The following CDH12 variants were observed in gnomAD, a reference collection of about 807,000 sequenced individuals.
CDH12 encodes cadherin-12.
A neutral mutation model predicts 74.1 loss-of-function variants in CDH12; 41 were observed. That is an observed-to-expected ratio of 0.55 (90% CI 0.43 to 0.72). The LOEUF (loss-of-function observed/expected upper bound fraction) is 0.72. Ranked by LOEUF, CDH12 falls within the 30% of genes least tolerant of loss-of-function variation. The probability of loss-of-function intolerance (pLI) is 0.00; values close to 1 mark genes in which losing one functional copy is unlikely to be tolerated. For synonymous variants in CDH12, 399 were observed against 355.0 expected (o/e 1.12, Z -1.39); for missense variants, 945 against 977.2 (o/e 0.97, Z 0.44).
chr5:22,013,864 A>C (rs1196676833), intron 5 of CDH12, among the ~76,000 whole-genome samples: 1 of 152,154 alleles, frequency 6.6e-6, no homozygotes, highest in Non-Finnish European at 1.5e-5. Context: ...ATTGGCTTCT[A>C]GAAAAAAATA....
chr5:21,976,363 G>T (rs1757070935), intron 5 of CDH12, among the ~76,000 whole-genome samples: 1 of 151,980 alleles, frequency 6.6e-6, no homozygotes, highest in African/African-American at 2.4e-5. Flanking sequence ...CCGTAAGGCA[G>T]TGTTGTTCAA....
intron 2 of CDH12, among the ~76,000 whole-genome samples, chr5:22,482,220 C>T (rs1380440185): frequency 2.6e-5 from 4 of 152,152 alleles, no homozygotes; most frequent in East Asian, 1.9e-4. Context: ...ATAAGAAAAC[C>T]GAGTTCAAAA....
chr5:22,071,271 T>C (rs1221019182), intron 5 of CDH12, among the ~76,000 whole-genome samples: 1 of 152,156 alleles, frequency 6.6e-6, no homozygotes, highest in Non-Finnish European at 1.5e-5. Flanking sequence ...ATAATATCTG[T>C]AGGATTAAAC....
chr5:22,677,675 G>A (rs573843933), intron 1 of CDH12, among the ~76,000 whole-genome samples: 67 of 152,248 alleles, frequency 4.4e-4, no homozygotes, highest in Admixed American at 1.4e-3. Flanking sequence ...ATAAGGGAGA[G>A]AGCAGGATAA....
intron 3 of CDH12, among the ~76,000 whole-genome samples, chr5:22,309,556 C>T (rs1048382844): frequency 1.4e-4 from 21 of 151,972 alleles, no homozygotes; most frequent in Non-Finnish European, 2.9e-5. Flanking sequence ...TTAACATTTC[C>T]CTCATCTCAC....
At chr5:22,345,367 T>A (rs1740065994) in intron 3 of CDH12, among the ~76,000 whole-genome samples, 1 of 152,164 alleles carries the variant, frequency 6.6e-6, no homozygotes, top group African/African-American at 2.4e-5. Context: ...TAAAGTTCTC[T>A]TTTTTTCTCT....
At chr5:21,773,243 G>A (rs1366218457) in intron 11 of CDH12, among the ~76,000 whole-genome samples, 1 of 152,108 alleles carries the variant, frequency 6.6e-6, no homozygotes, top group African/African-American at 2.4e-5. Context: ...CAACTTGATT[G>A]GATTGAAGGA....
Position 21,816,969 on chromosome 5 carries a change from T to G in CDH12, c.978A>C (p.Gln326His). The change falls in exon 9 of 15, where the codon CAA becomes CAC. Residue 326 changes from glutamine to histidine, a missense_variant. This residue lies in a region of CDH12 where 791 missense variants were observed against 792.8 expected (regional missense o/e 1.00). Coordinates refer to ENST00000382254, the MANE Select transcript of CDH12 (RefSeq NM_004061.5). Reference protein sequence around the residue: ...LFDIVTDEDTQEGVIKLKKPL... With the variant: ...LFDIVTDEDTHEGVIKLKKPL... ...CCTTTTTCAATTTGATGACTCCCTC[T>G]TGTGTATCCTCATCTGTGACGATGT... 6.2e-7 allele frequency: 1 copy of G among 1,610,706 alleles called. No homozygotes were observed. The highest frequency in any genetic ancestry group is 8.5e-7 in the Non-Finnish European group (1 of 1,178,050).
At chr5:21,791,374 T>C (rs529875348) in intron 10 of CDH12, among the ~76,000 whole-genome samples, 1 of 152,172 alleles carries the variant, frequency 6.6e-6, no homozygotes, top group African/African-American at 2.4e-5. Context: ...CATAGAAATT[T>C]TGAGGAGTTA....
chr5:22,059,289 A>G (rs1219201887), intron 5 of CDH12, among the ~76,000 whole-genome samples: 1 of 142,500 alleles, frequency 7.0e-6, no homozygotes, highest in African/African-American at 2.6e-5. Flanking sequence ...CTATCTATCT[A>G]TCTATCATCT....
intron 4 of CDH12, among the ~76,000 whole-genome samples, chr5:22,137,751 G>A (rs1561150019): frequency 6.6e-6 from 1 of 151,948 alleles, no homozygotes; most frequent in Non-Finnish European, 1.5e-5. Context: ...CCAAAAACAG[G>A]CACAAGGGCG....
intron 8 of CDH12, among the ~76,000 whole-genome samples, chr5:21,832,910 TATA>T (rs1256937446): frequency 6.5e-5 from 4 of 61,784 alleles, no homozygotes; most frequent in African/African-American, 4.1e-4. Flanking sequence ...TAATATATGA[TATA>T]ATATTAATAT....
At chr5:22,844,219 T>C (rs1026841028) in intron 1 of CDH12, among the ~76,000 whole-genome samples, 3 of 152,086 alleles carry the variant, frequency 2.0e-5, no homozygotes, top group African/African-American at 7.2e-5. Flanking sequence ...CAAAGCTTCA[T>C]GGAGTTACAC....
chr5:22,725,490 T>A (rs77305706), intron 1 of CDH12, among the ~76,000 whole-genome samples: 1 of 151,800 alleles, frequency 6.6e-6, no homozygotes, highest in Non-Finnish European at 1.5e-5. Context: ...AATACACGTG[T>A]CTTAGCCTAT....
chr5:22,722,865 C>T lies in CDH12; in HGVS notation c.-523+130193G>A, dbSNP rs115979551. ...GTGTTTCTGTCCATATGTGTTTATG[C>T]ACCTTGAGTTGTATGTGAGCAAAGT... On this transcript the variant is annotated intron_variant, in intron 1 of 14. Coordinates refer to ENST00000382254, the MANE Select transcript of CDH12 (RefSeq NM_004061.5). 8.6e-3 allele frequency among the ~76,000 whole-genome samples: 1,317 copies of T among 152,290 alleles called. 23 individuals carry two copies. Among genetic ancestry groups the T allele is most frequent in the African/African-American group, 0.03 (1,232 of 41,570 alleles).
chr5:22,654,505 G>A (rs1561554682), intron 1 of CDH12, among the ~76,000 whole-genome samples: 1 of 151,996 alleles, frequency 6.6e-6, no homozygotes, highest in East Asian at 1.9e-4. Flanking sequence ...AGCCAGGCTG[G>A]TCTCGAACTC....
intron 1 of CDH12, among the ~76,000 whole-genome samples, chr5:22,642,474 G>T (rs1054208645): frequency 2.0e-5 from 3 of 152,110 alleles, no homozygotes; most frequent in Admixed American, 6.6e-5. Context: ...ATGGTATTAG[G>T]GGTGAAGTCC....
chr5:21,828,859 A>G (rs368520388), intron 8 of CDH12, among the ~76,000 whole-genome samples: 3 of 144,058 alleles, frequency 2.1e-5, no homozygotes, highest in African/African-American at 7.7e-5. Flanking sequence ...TGTCTTTGCA[A>G]TTTTATTTGT....
At chr5:22,456,291 G>A (rs899573494) in intron 2 of CDH12, among the ~76,000 whole-genome samples, 1 of 150,686 alleles carries the variant, frequency 6.6e-6, no homozygotes, top group Non-Finnish European at 1.5e-5. Context: ...TCTTAATAAA[G>A]TCTGTGTTTA....
Sources: gnomAD v4.1 joint callset for allele counts (sites outside exome capture counted in the v4.1 genomes callset) on GRCh38, gnomAD v4.1.1 for gene constraint, gnomAD v4.1.1 regional missense constraint, MANE v1.5 for transcripts, NCBI Gene and HGNC (gene_info 2026-07-23, HGNC 2026-07-21) for gene names.